The following NAT2 variants were observed in gnomAD, a reference collection of about 807,000 sequenced individuals.
NAT2 encodes the protein arylamine N-acetyltransferase 2.
For missense variants in NAT2, 428 were observed against 339.1 expected, an observed-to-expected ratio of 1.26 and a Z score of -2.06; for synonymous variants, 137 against 125.9, an observed-to-expected ratio of 1.09 and a Z score of -0.59.
chr8:18,391,492 T>G (rs770245165), intron 1 of NAT2, 147 bp downstream of exon 1: 2 of 150,740 alleles, frequency 1.3e-5, no homozygotes, highest in Non-Finnish European at 3.0e-5. Context: ...TTCCAGGCCA[T>G]AATGGAAAGG....
chr8:18,386,673 G>A (rs942857082), upstream of NAT2, among the ~76,000 whole-genome samples: 1 of 152,024 alleles, frequency 6.6e-6, no homozygotes, highest in Admixed American at 6.6e-5. Flanking sequence ...CTGTGAACAC[G>A]GGCAGGGGAA....
At position 18,400,074 on chromosome 8, in the gene NAT2, T is replaced by C; in HGVS notation, c.71T>C (p.Leu24Ser). 1 of 1,613,678 alleles carries C rather than the reference T, an allele frequency of 6.2e-7. No homozygotes were observed. The highest frequency in any genetic ancestry group is 8.5e-7 in the Non-Finnish European group (1 of 1,179,778). The part of the protein sequence containing the change: ...NSRNKLDLET[L>S]TDILEHQIRA... The stretch of plus-strand genomic sequence containing the variant: ...AGGAACAAATTGGACTTGGAAACAT[T>C]AACTGACATTCTTGAGCACCAGATC... The change falls in exon 2 of 2, where the codon TTA becomes TCA. Residue 24 changes from leucine to serine, a missense_variant. Transcript: ENST00000286479.
intron 1 of NAT2, among the ~76,000 whole-genome samples, chr8:18,393,692 G>A (rs1277251753): frequency 4.6e-5 from 7 of 152,082 alleles, no homozygotes; most frequent in Non-Finnish European, 8.8e-5. Context: ...GATACCTTCA[G>A]TTTGCAAGAC....
chr8:18,388,517 A>AAG (rs1360373431), upstream of NAT2, among the ~76,000 whole-genome samples: 1 of 151,412 alleles, frequency 6.6e-6, no homozygotes, highest in African/African-American at 2.4e-5. Flanking sequence ...AAAAAAAAAA[A>AAG]AAAAAAAAAT....
chr8:18,387,776 T>A (rs1252525375), upstream of NAT2: 2 of 153,132 alleles, frequency 1.3e-5, no homozygotes, highest in Non-Finnish European at 2.9e-5. Context: ...CCTCCTGCAG[T>A]CGCAGTGGTT....
chr8:18,399,346 C>T (rs1294349304), intron 1 of NAT2, among the ~76,000 whole-genome samples: 1 of 152,192 alleles, frequency 6.6e-6, no homozygotes, highest in Non-Finnish European at 1.5e-5. Context: ...GCACTTACCA[C>T]AATCTAACAG....
upstream of NAT2, among the ~76,000 whole-genome samples, chr8:18,389,805 C>T (rs193073869): frequency 4.7e-4 from 72 of 152,276 alleles, 1 homozygote; most frequent in East Asian, 0.013. Context: ...ATCAAATGTC[C>T]TTCACAAGTG....
At chr8:18,388,602 TAA>T (rs529827624), upstream of NAT2, among the ~76,000 whole-genome samples, 74 of 149,616 alleles carry the variant, frequency 4.9e-4, 1 homozygote, top group South Asian at 0.015. Context: ...TGCAAAAATA[TAA>T]GTTTTGTTGT....
At chr8:18,387,862 G>C (rs1329669211), upstream of NAT2, 1 of 152,538 alleles carries the variant, frequency 6.6e-6, no homozygotes, top group Non-Finnish European at 1.5e-5. Context: ...GTTTGCCCTG[G>C]GACGTGACTT....
chr8:18,389,867 A>G (rs1687859419), upstream of NAT2, among the ~76,000 whole-genome samples: 1 of 152,250 alleles, frequency 6.6e-6, no homozygotes, highest in Non-Finnish European at 1.5e-5. Flanking sequence ...ACCAGGCCAC[A>G]AGACAAAGAT....
In NAT2 at chr8:18,399,995, T is replaced by C; in HGVS notation, c.-6-3T>C. 6.4e-7 allele frequency: 1 copy of C among 1,558,146 alleles called. No homozygotes were observed. The highest frequency in any genetic ancestry group is 1.4e-5 in the African/African-American group (1 of 72,772). ...GTTTTTATGTTTTGTTTTTCTTGCT[T>C]AGGGGATCATGGACATTGAAGCATA... On this transcript the variant is annotated splice_polypyrimidine_tract_variant and splice_region_variant and intron_variant, in intron 1 of 1. Transcript: ENST00000286479.
At chr8:18,391,663 T>C (rs533467289) in intron 1 of NAT2, among the ~76,000 whole-genome samples, 1 of 152,276 alleles carries the variant, frequency 6.6e-6, no homozygotes, top group African/African-American at 2.4e-5. Flanking sequence ...CACATGACAA[T>C]AGCAGACCCT....
upstream of NAT2, chr8:18,387,457 C>G (rs1459661738): frequency 6.5e-6 from 1 of 153,828 alleles, no homozygotes; most frequent in Non-Finnish European, 1.5e-5. Flanking sequence ...CTTTCCGCTG[C>G]GCGAGGCTCC....
intron 1 of NAT2, among the ~76,000 whole-genome samples, chr8:18,395,442 TGTTG>T (rs1800667765): frequency 6.6e-6 from 1 of 152,128 alleles, no homozygotes; most frequent in Non-Finnish European, 1.5e-5. Flanking sequence ...TATCACGCAA[TGTTG>T]AAAAACATAC....
Position 18,400,671 on chromosome 8 carries a change from G to T in NAT2, c.668G>T (p.Cys223Phe). Residue 223 changes from cysteine to phenylalanine, a missense_variant, in exon 2 of 2, where the codon TGT (cysteine) becomes TTT (phenylalanine). Physicochemically the swap from Cys to Phe is radical, Grantham distance 205. Coordinates refer to ENST00000286479, the MANE Select transcript of NAT2 (RefSeq NM_000015.3). Reference protein sequence around the residue: ...PTSSFITTSFCSLQTPEGVYC... With the variant: ...PTSSFITTSFFSLQTPEGVYC... ...TCTTCATTTATAACCACATCATTTT[G>T]TTCCTTGCAGACCCCAGAAGGGGTT... 1 of 1,613,926 alleles carries T rather than the reference G, an allele frequency of 6.2e-7. No homozygotes were observed. The highest frequency in any genetic ancestry group is 8.5e-7 in the Non-Finnish European group (1 of 1,179,968).
At position 18,391,282 on chromosome 8, in the gene NAT2, A is replaced by C. The variant is rs1299912145; in HGVS notation, c.-70A>C. On this transcript the variant is annotated 5_prime_UTR_variant, in exon 1 of 2. Coordinates refer to ENST00000286479, the MANE Select transcript of NAT2 (RefSeq NM_000015.3). ...CCTTGCAGACTTTGGAAGGGAGAGCACTTTATTACAGACCTTGGAAGCAAG... is the reference window on the plus strand; with the variant it reads ...CCTTGCAGACTTTGGAAGGGAGAGCCCTTTATTACAGACCTTGGAAGCAAG... 6.6e-6 allele frequency: 1 copy of C among 152,120 alleles called. No homozygotes were observed. The highest frequency in any genetic ancestry group is 1.5e-5 in the Non-Finnish European group (1 of 68,020). The allele number at this position is 152,120 out of a possible 1,614,324, so 9.4% of individuals were successfully genotyped here.
intron 1 of NAT2, among the ~76,000 whole-genome samples, chr8:18,395,613 A>T (rs929469059): frequency 1.3e-5 from 2 of 152,172 alleles, no homozygotes; most frequent in Non-Finnish European, 2.9e-5. Context: ...GAGGTCAACA[A>T]GACTGAATTT....
At chr8:18,394,044 T>C (rs1248640606) in intron 1 of NAT2, among the ~76,000 whole-genome samples, 1 of 151,476 alleles carries the variant, frequency 6.6e-6, no homozygotes, top group African/African-American at 2.4e-5. Flanking sequence ...TAAAAGAGAG[T>C]CAGTGAAGGG....
upstream of NAT2, chr8:18,391,205 C>G (rs1312170210): frequency 6.6e-6 from 1 of 152,110 alleles, no homozygotes; most frequent in Admixed American, 6.5e-5. Context: ...CTGAGGTGAT[C>G]CTAACTAGAC....
Sources: gnomAD v4.1 joint callset for allele counts (sites outside exome capture counted in the v4.1 genomes callset) on GRCh38, gnomAD v4.1.1 for gene constraint, MANE v1.5 for transcripts, NCBI Gene and HGNC (gene_info 2026-07-23, HGNC 2026-07-21) for gene names.